PCDHGA9: variants seen among roughly 807,000 people sequenced by gnomAD.
The protein encoded by PCDHGA9 is protocadherin gamma-A9.
PCDHGA9 carries 37 observed loss-of-function variants against 62.5 expected under a neutral mutation model. The ratio of observed to expected loss-of-function variants is 0.59; its 90% confidence interval spans 0.46 to 0.78. PCDHGA9 has a LOEUF of 0.78. Ranked by LOEUF, PCDHGA9 falls within the 30% of genes least tolerant of loss-of-function variation. The pLI, the probability that PCDHGA9 is intolerant of heterozygous loss-of-function variation, is 0.00. For synonymous variants in PCDHGA9, 459 were observed against 484.6 expected, an observed-to-expected ratio of 0.95 and a Z score of 0.69; for missense variants, 1,138 against 1,166.2, an observed-to-expected ratio of 0.98 and a Z score of 0.35.
In PCDHGA9 at chr5:141,432,627, C is replaced by G. The variant is rs886117102; in HGVS notation, c.2424+27251C>G. On this transcript the variant is annotated intron_variant, in intron 1 of 3. Transcript: ENST00000573521. This position sits in a 1 kb window ranked among gnomAD's most constrained non-coding sequence, Gnocchi z 6.0. The stretch of plus-strand genomic sequence containing the variant: ...GGACTCTTCTCGGTGGGTCTGCACA[C>G]GGGCGAGGTGCGCACGGCGCGAGCC... The G allele has an allele frequency of 1.2e-6, 2 of 1,613,652 alleles. No individual in the cohort carries two copies. The highest frequency in any genetic ancestry group is 2.7e-5 in the African/African-American group (2 of 74,886).
Position 141,489,653 on chromosome 5 carries a change from G to C in PCDHGA9, c.2425-5154G>C. ...TCTCCTAGCTTTGCCACCCCTGAGCGAGAGATGCGCATCTCAGAATCAGCA... is the reference window on the plus strand; with the variant it reads ...TCTCCTAGCTTTGCCACCCCTGAGCCAGAGATGCGCATCTCAGAATCAGCA... On this transcript the variant is annotated intron_variant, in intron 1 of 3. Coordinates refer to ENST00000573521, the MANE Select transcript of PCDHGA9 (RefSeq NM_018921.3). The surrounding 1 kb of genome is among the most constrained non-coding windows in gnomAD (Gnocchi z 4.5). 3 of 1,614,164 alleles carry C rather than the reference G, an allele frequency of 1.9e-6. No individual in the cohort carries two copies. The highest frequency in any genetic ancestry group is 2.5e-6 in the Non-Finnish European group (3 of 1,180,018).
At position 141,408,901 on chromosome 5, in the gene PCDHGA9, G is replaced by A. The variant is rs529239605; in HGVS notation, c.2424+3525G>A. On this transcript the variant is annotated intron_variant, in intron 1 of 3. Transcript: ENST00000573521. ...CCGCTCACATAGAAATTTCTGTCAA[G>A]GATACCAATGATAACCCCCCGGTTT... 269 of 1,613,216 alleles carry A rather than the reference G, an allele frequency of 1.7e-4. 6 individuals carry two copies. The South Asian group carries it at 2.8e-3, about 17-fold the overall frequency.
At chr5:141,501,837 G>C (rs2099811299) in intron 2 of PCDHGA9, among the ~76,000 whole-genome samples, 1 of 152,018 alleles carries the variant, frequency 6.6e-6, no homozygotes, top group Admixed American at 6.5e-5. Flanking sequence ...CCACCTGTTT[G>C]GCCCTCAACC....
At chr5:141,471,506 G>A (rs2099258630) in intron 1 of PCDHGA9, 1 of 152,214 alleles carries the variant, frequency 6.6e-6, no homozygotes, top group South Asian at 2.1e-4. Flanking sequence ...GCAAGAGAGG[G>A]AGTAAAAATA....
At chr5:141,452,460 G>A (rs750887712) in intron 1 of PCDHGA9, among the ~76,000 whole-genome samples, 1 of 152,140 alleles carries the variant, frequency 6.6e-6, no homozygotes, top group Non-Finnish European at 1.5e-5. Flanking sequence ...GTCAGCAGAC[G>A]GAGCTAGGAA....
chr5:141,449,854 T>C (rs769118919), intron 1 of PCDHGA9, among the ~76,000 whole-genome samples: 7 of 151,974 alleles, frequency 4.6e-5, no homozygotes, highest in South Asian at 4.1e-4. Context: ...ATTTTAATAA[T>C]AAAAATCAGA....
At chr5:141,409,745 T>C (rs968473065) in intron 1 of PCDHGA9, 8 of 1,613,074 alleles carry the variant, frequency 5.0e-6, no homozygotes, top group Non-Finnish European at 6.8e-6. Context: ...CGGGGTGGTG[T>C]TCGCGCAGCG....
rs188066304 is a variant in PCDHGA9, at chr5:141,450,907, C to T, written c.2425-43900C>T. On this transcript the variant is annotated intron_variant, in intron 1 of 3. Coordinates refer to ENST00000573521, the MANE Select transcript of PCDHGA9 (RefSeq NM_018921.3). ...TGGTGCGATATCGGCTCACTGCAAC[C>T]GCTGCCTCCCAGATTCAAGCAATTC... is the stretch of plus-strand genomic sequence containing the variant. 6.7e-3 allele frequency among the ~76,000 whole-genome samples: 1,004 copies of T among 150,024 alleles called. 12 individuals carry two copies. The highest frequency in any genetic ancestry group is 0.024 in the African/African-American group (970 of 40,702).
chr5:141,409,868 A>C (rs2095328786), intron 1 of PCDHGA9: 2 of 1,612,688 alleles, frequency 1.2e-6, no homozygotes, highest in Admixed American at 1.7e-5. Flanking sequence ...GGGAGACCGC[A>C]ATGACAACGC....
intron 1 of PCDHGA9, among the ~76,000 whole-genome samples, chr5:141,449,177 G>T (rs2098631167): frequency 6.6e-6 from 1 of 152,028 alleles, no homozygotes. Flanking sequence ...AATTTTCTTA[G>T]GTATTTTCAC....
At chr5:141,411,097 A>C (rs2095464397) in intron 1 of PCDHGA9, 1 of 153,002 alleles carries the variant, frequency 6.5e-6, no homozygotes, top group Non-Finnish European at 1.4e-5. Flanking sequence ...TGATCCTCCC[A>C]CCTTGGCCTC....
intron 3 of PCDHGA9, among the ~76,000 whole-genome samples, chr5:141,509,952 C>T (rs954730777): frequency 7.2e-5 from 11 of 152,186 alleles, no homozygotes; most frequent in African/African-American, 2.2e-4. Flanking sequence ...CAAATGCTAC[C>T]GGGTATGGCC....
At chr5:141,494,768 C>T (rs758949982) in intron 1 of PCDHGA9, 39 bp from the exon 2 acceptor site, 1 of 1,614,060 alleles carries the variant, frequency 6.2e-7, no homozygotes, top group South Asian at 1.1e-5. Flanking sequence ...TCTAACTTCT[C>T]ACGGGTACTC....
intron 1 of PCDHGA9, chr5:141,405,577 T>C (rs1034475748): frequency 1.0e-5 from 6 of 597,580 alleles, no homozygotes; most frequent in Non-Finnish European, 1.8e-5. Context: ...GTAGAGTAGC[T>C]GGGACTACAG....
At chr5:141,414,118 G>C (rs559064215) in intron 1 of PCDHGA9, 1 of 1,592,490 alleles carries the variant, frequency 6.3e-7, no homozygotes, top group Admixed American at 1.8e-5. Flanking sequence ...AGATTATGAA[G>C]AAACCGGTTT....
At chr5:141,481,390 G>A (rs553179819) in intron 1 of PCDHGA9, among the ~76,000 whole-genome samples, 2 of 152,346 alleles carry the variant, frequency 1.3e-5, no homozygotes, top group East Asian at 3.9e-4. Context: ...TTGGAGGGAT[G>A]TGACAAAATT....
intron 1 of PCDHGA9, among the ~76,000 whole-genome samples, chr5:141,442,680 A>C (rs2098335997): frequency 6.6e-6 from 1 of 152,270 alleles, no homozygotes; most frequent in Non-Finnish European, 1.5e-5. Flanking sequence ...CTTGAGGGAC[A>C]GTAGTCAGGC....
chr5:141,443,167 C>T (rs745545091), intron 1 of PCDHGA9, among the ~76,000 whole-genome samples: 4 of 152,084 alleles, frequency 2.6e-5, no homozygotes, highest in Non-Finnish European at 5.9e-5. Flanking sequence ...TTTCCCTACC[C>T]ATGTCCACTG....
intron 1 of PCDHGA9, chr5:141,408,721 C>T (rs994778084): frequency 6.2e-7 from 1 of 1,611,372 alleles, no homozygotes; most frequent in Non-Finnish European, 8.5e-7. Flanking sequence ...ATAAGATAAA[C>T]TCTAATCCTT....
Sources: gnomAD v4.1 joint callset for allele counts (sites outside exome capture counted in the v4.1 genomes callset) on GRCh38, gnomAD v4.1.1 for gene constraint, Gnocchi (gnomAD v3.1) non-coding constraint, MANE v1.5 for transcripts, NCBI Gene and HGNC (gene_info 2026-07-23, HGNC 2026-07-21) for gene names.